Variants in CPA6 observed in about 807,000 individuals in gnomAD.
CPA6 encodes carboxypeptidase B.
In CPA6, 58 loss-of-function variants were observed where a neutral mutation model predicts 63.3. The observed-to-expected ratio is 0.92, with a 90% CI of 0.74 to 1.14. The LOEUF (loss-of-function observed/expected upper bound fraction) is 1.14. CPA6 is among the 50% of genes most tolerant of loss of function. The pLI, the probability that CPA6 is intolerant of heterozygous loss-of-function variation, is 0.00. For missense variants in CPA6, 565 were observed against 526.6 expected (o/e 1.07, Z -0.71); for synonymous variants, 185 against 179.0 (o/e 1.03, Z -0.27).
chr8:67,656,956 C>T (rs1460754484), intron 1 of CPA6, among the ~76,000 whole-genome samples: 1 of 152,126 alleles, frequency 6.6e-6, no homozygotes, highest in African/African-American at 2.4e-5. Flanking sequence ...CAGTACGATG[C>T]CATTTTCTCC....
At chr8:67,708,887 C>T (rs1335820258) in intron 1 of CPA6, among the ~76,000 whole-genome samples, 1 of 152,170 alleles carries the variant, frequency 6.6e-6, no homozygotes, top group Non-Finnish European at 1.5e-5. Context: ...ACACCAGAAA[C>T]ATCAGGAGAT....
chr8:67,446,980 T>C lies in CPA6; in HGVS notation c.839-12740A>G, dbSNP rs189669721. Among the ~76,000 whole-genome samples the C allele has an allele frequency of 6.9e-3, 1,056 of 152,058 alleles. 4 individuals are homozygous for C. The highest frequency in any genetic ancestry group is 0.012 in the Non-Finnish European group (827 of 67,958). Reference sequence around the variant, plus strand: ...GCATATATGTATCTTGATATAGCTATATAGGTATAAATTACACATTCATAT... The same window carrying C: ...GCATATATGTATCTTGATATAGCTACATAGGTATAAATTACACATTCATAT... On this transcript the variant is annotated intron_variant, in intron 8 of 10. Transcript: ENST00000297770.
intron 1 of CPA6, among the ~76,000 whole-genome samples, chr8:67,642,820 C>CACACACACACACAA (rs1277491223): frequency 6.6e-6 from 1 of 151,888 alleles, no homozygotes; most frequent in African/African-American, 2.4e-5. Flanking sequence ...CACACACACA[C>CACACACACACACAA]ACACTCCAAG....
At chr8:67,494,410 T>C (rs1416001501) in intron 6 of CPA6, among the ~76,000 whole-genome samples, 1 of 152,152 alleles carries the variant, frequency 6.6e-6, no homozygotes, top group Non-Finnish European at 1.5e-5. Flanking sequence ...ATAATGACTC[T>C]GGTCAAATTC....
At chr8:67,601,054 C>A (rs1469692973) in intron 2 of CPA6, among the ~76,000 whole-genome samples, 2 of 152,058 alleles carry the variant, frequency 1.3e-5, no homozygotes, top group Admixed American at 1.3e-4. Context: ...ATGGAAAGAA[C>A]TATTACAAGA....
chr8:67,721,431 AGAG>A (rs1817496410), intron 1 of CPA6, among the ~76,000 whole-genome samples: 3 of 152,246 alleles, frequency 2.0e-5, no homozygotes, highest in South Asian at 4.1e-4. Context: ...TCCACTACTC[AGAG>A]AAGAAGCAGA....
At chr8:67,717,437 T>C (rs1817404464) in intron 1 of CPA6, among the ~76,000 whole-genome samples, 1 of 152,218 alleles carries the variant, frequency 6.6e-6, no homozygotes, top group Non-Finnish European at 1.5e-5. Context: ...TACAGACATA[T>C]CAATCACACA....
intron 2 of CPA6, among the ~76,000 whole-genome samples, chr8:67,544,159 C>A (rs1361846965): frequency 1.3e-5 from 2 of 152,086 alleles, no homozygotes; most frequent in Non-Finnish European, 2.9e-5. Context: ...TCTAAAATAA[C>A]CTTTAGCTTG....
intron 1 of CPA6, among the ~76,000 whole-genome samples, chr8:67,680,883 C>T (rs1816577608): frequency 6.6e-6 from 1 of 152,126 alleles, no homozygotes; most frequent in Non-Finnish European, 1.5e-5. Flanking sequence ...ATATTGAATA[C>T]CTTTTGTATG....
chr8:67,542,726 G>A (rs1006768086), intron 2 of CPA6, among the ~76,000 whole-genome samples: 4 of 152,174 alleles, frequency 2.6e-5, no homozygotes, highest in African/African-American at 9.7e-5. Context: ...AACATAAGAT[G>A]TACTGATGCA....
rs78501158 is a variant in CPA6, at chr8:67,606,683, C to T, written c.192+17493G>A. Among the ~76,000 whole-genome samples, 165 of 152,280 alleles carry T rather than the reference C, an allele frequency of 1.1e-3. 1 individual carries two copies. The East Asian group carries it at 0.019, about 18-fold the overall frequency. ...CTGCGGGCATGACAAAGACTCCCTG[C>T]TTTGGTGGTGGAGAAAGGTCCTTGG... On this transcript the variant is annotated intron_variant, in intron 2 of 10. Coordinates refer to ENST00000297770, the MANE Select transcript of CPA6 (RefSeq NM_020361.5).
intron 2 of CPA6, among the ~76,000 whole-genome samples, chr8:67,571,093 C>A (rs752977238): frequency 1.1e-4 from 16 of 152,066 alleles, no homozygotes; most frequent in Non-Finnish European, 2.1e-4. Flanking sequence ...GAAAATTATA[C>A]AAACAGAGAA....
intron 3 of CPA6, among the ~76,000 whole-genome samples, chr8:67,513,749 C>T (rs1396232571): frequency 3.3e-5 from 5 of 152,106 alleles, no homozygotes; most frequent in Non-Finnish European, 5.9e-5. Flanking sequence ...ACTGGCGTAT[C>T]GATGACAAGG....
intron 9 of CPA6, among the ~76,000 whole-genome samples, chr8:67,429,274 A>C (rs1809965946): frequency 6.6e-6 from 1 of 152,246 alleles, no homozygotes; most frequent in African/African-American, 2.4e-5. Flanking sequence ...CTAGAATGAT[A>C]CTCACTATCC....
chr8:67,590,665 C>T (rs1195972885), intron 2 of CPA6, among the ~76,000 whole-genome samples: 3 of 152,016 alleles, frequency 2.0e-5, no homozygotes, highest in African/African-American at 4.8e-5. Context: ...TTTCATGTGT[C>T]TTTTGGCTGC....
intron 8 of CPA6, among the ~76,000 whole-genome samples, chr8:67,450,505 G>A (rs1810532672): frequency 6.6e-6 from 1 of 152,140 alleles, no homozygotes; most frequent in African/African-American, 2.4e-5. Flanking sequence ...ATGAACGAAG[G>A]GTAGGAATTG....
chr8:67,441,144 A>G (rs1055155580), intron 8 of CPA6, among the ~76,000 whole-genome samples: 1 of 152,212 alleles, frequency 6.6e-6, no homozygotes, highest in Admixed American at 6.5e-5. Flanking sequence ...TGCAAGAAGT[A>G]GAGGAGTCTC....
At chr8:67,613,898 C>T (rs555334453) in intron 2 of CPA6, among the ~76,000 whole-genome samples, 5 of 152,014 alleles carry the variant, frequency 3.3e-5, no homozygotes, top group Admixed American at 1.3e-4. Context: ...GAGAGAGAGA[C>T]GAGGAGGAAC....
intron 8 of CPA6, among the ~76,000 whole-genome samples, chr8:67,452,090 G>T (rs1337917750): frequency 2.6e-5 from 4 of 152,178 alleles, no homozygotes; most frequent in Non-Finnish European, 5.9e-5. Flanking sequence ...AACTGTAATT[G>T]TGTGCTGATG....
Sources: gnomAD v4.1 joint callset for allele counts (sites outside exome capture counted in the v4.1 genomes callset) on GRCh38, gnomAD v4.1.1 for gene constraint, MANE v1.5 for transcripts, NCBI Gene and HGNC (gene_info 2026-07-23, HGNC 2026-07-21) for gene names.